DPP10: variants seen among roughly 807,000 people sequenced by gnomAD.
DPP10 encodes inactive dipeptidyl peptidase 10.
DPP10 carries 33 observed loss-of-function variants against 120.9 expected under a neutral mutation model. That is an observed-to-expected ratio of 0.27 (90% CI 0.21 to 0.37). DPP10 has a LOEUF of 0.37. Among genes scored for constraint, DPP10 ranks in the 10% least tolerant of loss-of-function variants. The pLI is 1.00. For missense variants in DPP10, 816 were observed against 942.8 expected (o/e 0.87, Z 1.76); for synonymous variants, 337 against 326.1 (o/e 1.03, Z -0.36).
rs191853385 is a variant in DPP10 at position 114,893,710 on chromosome 2, G to A, written c.61-415529G>A. 1.6e-4 allele frequency among the ~76,000 whole-genome samples: 24 copies of A among 152,224 alleles called. No homozygotes were observed. In the East Asian group the frequency reaches 4.6e-3, roughly 29 times the overall value. Reference sequence around the variant, plus strand: ...ACCATGACCTGCTCCAGGTTAATAAGCAAAATAATCACACTTCTAAGGCAT... The same window carrying A: ...ACCATGACCTGCTCCAGGTTAATAAACAAAATAATCACACTTCTAAGGCAT... On this transcript the variant is annotated intron_variant, in intron 1 of 25. Transcript: ENST00000410059.
At chr2:114,559,438 G>C (rs1688577400) in intron 1 of DPP10, among the ~76,000 whole-genome samples, 1 of 152,194 alleles carries the variant, frequency 6.6e-6, no homozygotes, top group Admixed American at 6.5e-5. Context: ...TGAAATCTTA[G>C]TGACATTTTG....
rs532828488 is a variant in DPP10 at position 115,146,588 on chromosome 2, GA to G, written c.61-162639del. ...CTTAGAGATAAATTTGACAACAGGGGAAAAAAAAAAAACAACCTCGAGTCTT... is the reference window on the plus strand; with the variant it reads ...CTTAGAGATAAATTTGACAACAGGGGAAAAAAAAAAACAACCTCGAGTCTT... On this transcript the variant is annotated intron_variant, in intron 1 of 25. Transcript: ENST00000410059. Among the ~76,000 whole-genome samples, 1,358 of 138,098 alleles carry G rather than the reference GA, an allele frequency of 9.8e-3. 11 individuals are homozygous for G. The highest frequency in any genetic ancestry group is 0.029 in the African/African-American group (1,105 of 38,030). The allele number at this position is 138,098 out of a possible 152,430, so 90.6% of individuals were successfully genotyped here.
chr2:115,139,071 A>T (rs2050788063), intron 1 of DPP10, among the ~76,000 whole-genome samples: 1 of 152,204 alleles, frequency 6.6e-6, no homozygotes, highest in African/African-American at 2.4e-5. Context: ...TATGATTGAA[A>T]TTTATAGTCT....
rs60204041 is a variant in DPP10 at position 115,837,208 on chromosome 2, G to A, written c.2182+462G>A. Among the ~76,000 whole-genome samples, 320 of 152,246 alleles carry A rather than the reference G, an allele frequency of 2.1e-3. 1 individual carries two copies. Among genetic ancestry groups the A allele is most frequent in the African/African-American group, 7.2e-3 (301 of 41,550 alleles). Reference sequence around the variant, plus strand: ...ACATGAAATTCTAATGAGGTTACCCGCTTAAATGAACTTAAAAACTTTAAA... The same window carrying A: ...ACATGAAATTCTAATGAGGTTACCCACTTAAATGAACTTAAAAACTTTAAA... On this transcript the variant is annotated intron_variant, in intron 24 of 25. Transcript: ENST00000410059.
At chr2:114,983,403 T>C (rs902318386) in intron 1 of DPP10, among the ~76,000 whole-genome samples, 1 of 152,234 alleles carries the variant, frequency 6.6e-6, no homozygotes, top group Admixed American at 6.5e-5. Context: ...TAATCCTCAC[T>C]GTTGAATATT....
intron 1 of DPP10, among the ~76,000 whole-genome samples, chr2:115,259,121 A>G (rs561626491): frequency 6.6e-6 from 1 of 152,148 alleles, no homozygotes; most frequent in Non-Finnish European, 1.5e-5. Context: ...TCATTCTGTG[A>G]TCTACAATTA....
chr2:114,741,796 C>T (rs996932814), intron 1 of DPP10, among the ~76,000 whole-genome samples: 1 of 152,114 alleles, frequency 6.6e-6, no homozygotes, highest in African/African-American at 2.4e-5. Context: ...TCACAAGCCA[C>T]GGGGTGCCCA....
chr2:115,480,060 G>A (rs749576804), intron 3 of DPP10, among the ~76,000 whole-genome samples: 2 of 152,182 alleles, frequency 1.3e-5, no homozygotes, highest in Admixed American at 1.3e-4. Context: ...TAACCAGGTC[G>A]GGTGTGTGCT....
intron 1 of DPP10, among the ~76,000 whole-genome samples, chr2:114,516,750 G>A (rs1433436420): frequency 6.6e-6 from 1 of 152,174 alleles, no homozygotes; most frequent in Non-Finnish European, 1.5e-5. Context: ...ACTCAAAAGA[G>A]AGTATTTCAT....
intron 1 of DPP10, among the ~76,000 whole-genome samples, chr2:114,829,680 C>A (rs1686906927): frequency 6.6e-6 from 1 of 151,572 alleles, no homozygotes; most frequent in Non-Finnish European, 1.5e-5. Context: ...CCTGGCCGGA[C>A]GTTTTTTTTT....
At chr2:115,612,409 T>C (rs1313153994) in intron 5 of DPP10, among the ~76,000 whole-genome samples, 1 of 152,200 alleles carries the variant, frequency 6.6e-6, no homozygotes, top group Non-Finnish European at 1.5e-5. Context: ...ATTTGCAGGA[T>C]GGTTTTACAA....
In DPP10 at chr2:114,946,535, A is replaced by G. The variant is rs145043637; in HGVS notation, c.61-362704A>G. On this transcript the variant is annotated intron_variant, in intron 1 of 25. Coordinates refer to ENST00000410059, the MANE Select transcript of DPP10 (RefSeq NM_020868.6). Reference sequence around the variant, plus strand: ...TTTTAAAAGTCTCTAAAAAACAAGTAAATAAAAATATCCCCTATTCATGTA... The same window carrying G: ...TTTTAAAAGTCTCTAAAAAACAAGTGAATAAAAATATCCCCTATTCATGTA... Among the ~76,000 whole-genome samples the G allele has an allele frequency of 9.7e-3, 1,470 of 152,266 alleles. 28 individuals are homozygous for G. Among genetic ancestry groups the G allele is most frequent in the African/African-American group, 0.034 (1,399 of 41,580 alleles).
At chr2:114,854,506 T>C (rs1689217264) in intron 1 of DPP10, among the ~76,000 whole-genome samples, 1 of 152,146 alleles carries the variant, frequency 6.6e-6, no homozygotes, top group Admixed American at 6.6e-5. Context: ...GAGGTTGGCA[T>C]TACACTCTCT....
chr2:115,583,523 G>A (rs1460944281), intron 5 of DPP10, among the ~76,000 whole-genome samples: 3 of 152,272 alleles, frequency 2.0e-5, no homozygotes, highest in Non-Finnish European at 4.4e-5. Flanking sequence ...ACCGGGGACT[G>A]TTGACCAAAT....
At chr2:115,350,378 T>A (rs1469276311) in intron 3 of DPP10, among the ~76,000 whole-genome samples, 1 of 152,120 alleles carries the variant, frequency 6.6e-6, no homozygotes, top group Non-Finnish European at 1.5e-5. Context: ...GTTTTTATTT[T>A]TTCCCTTTCT....
chr2:114,469,468 T>C (rs1573418613), intron 1 of DPP10, among the ~76,000 whole-genome samples: 1 of 152,276 alleles, frequency 6.6e-6, no homozygotes. Flanking sequence ...TGGTGGCTCA[T>C]GCCTGTAATC....
chr2:114,594,479 A>T (rs1691734308), intron 1 of DPP10, among the ~76,000 whole-genome samples: 1 of 147,886 alleles, frequency 6.8e-6, no homozygotes, highest in African/African-American at 2.5e-5. Context: ...GGAGTTTATT[A>T]TATATTATAT....
chr2:115,293,543 C>A (rs866374488), intron 1 of DPP10, among the ~76,000 whole-genome samples: 1 of 152,014 alleles, frequency 6.6e-6, no homozygotes, highest in African/African-American at 2.4e-5. Flanking sequence ...GCAGTGCTTT[C>A]TTTTTTTCAC....
intron 1 of DPP10, among the ~76,000 whole-genome samples, chr2:114,837,613 G>A (rs1283193684): frequency 1.3e-5 from 2 of 152,106 alleles, no homozygotes; most frequent in Non-Finnish European, 2.9e-5. Context: ...CTTGAAAAAT[G>A]TGGAGAAACT....
Sources: allele counts gnomAD v4.1 joint callset (sites outside exome capture counted in the v4.1 genomes callset), GRCh38; gene constraint gnomAD v4.1.1; transcripts MANE v1.5; gene names NCBI Gene and HGNC (gene_info 2026-07-23, HGNC 2026-07-21).